The following PCGF6 variants were observed in gnomAD, a reference collection of about 807,000 sequenced individuals.
PCGF6 encodes the protein polycomb group ring finger 6, also known as polycomb group RING finger protein 6.
PCGF6 carries 24 observed loss-of-function variants against 45.5 expected under a neutral mutation model. The ratio of observed to expected loss-of-function variants is 0.53; its 90% CI spans 0.38 to 0.74. The LOEUF (loss-of-function observed/expected upper bound fraction) is 0.74, where lower values mean the gene tolerates loss of function less well. PCGF6 is among the 30% of genes least tolerant of loss of function. PCGF6 has a pLI of 0.00. For synonymous variants in PCGF6, 152 were observed against 162.1 expected, an observed-to-expected ratio of 0.94 and a Z score of 0.47; for missense variants, 356 against 443.2, an observed-to-expected ratio of 0.80 and a Z score of 1.77.
intron 7 of PCGF6, among the ~76,000 whole-genome samples, chr10:103,329,212 G>A (rs983096403): frequency 3.3e-5 from 5 of 151,364 alleles, no homozygotes; most frequent in Admixed American, 2.0e-4. Context: ...GGCTAATTTT[G>A]TATTTTTAGT....
intron 6 of PCGF6, among the ~76,000 whole-genome samples, chr10:103,337,502 G>A (rs889293819): frequency 6.6e-6 from 1 of 152,128 alleles, no homozygotes; most frequent in African/African-American, 2.4e-5. Flanking sequence ...TACATCCCAA[G>A]GGTTACCTAC....
intron 6 of PCGF6, among the ~76,000 whole-genome samples, chr10:103,336,448 TA>T (rs1359449172): frequency 6.6e-6 from 1 of 152,074 alleles, no homozygotes; most frequent in Non-Finnish European, 1.5e-5. Flanking sequence ...AGTTATAAAA[TA>T]AAACATCCCA....
intron 7 of PCGF6, among the ~76,000 whole-genome samples, chr10:103,331,081 G>A (rs2093238493): frequency 6.6e-6 from 1 of 152,082 alleles, no homozygotes; most frequent in South Asian, 2.1e-4. Flanking sequence ...TATATGGATG[G>A]CCTTTTGTGA....
At chr10:103,334,043 C>T (rs1014425539) in intron 6 of PCGF6, 91 bp from the exon 7 acceptor site, 1 of 855,982 alleles carries the variant, frequency 1.2e-6, no homozygotes, top group Non-Finnish European at 1.7e-6. Context: ...TGAGAAACAT[C>T]AATTCATTGT....
chr10:103,312,150 T>C (rs1034886905), intron 9 of PCGF6, among the ~76,000 whole-genome samples: 1 of 148,970 alleles, frequency 6.7e-6, no homozygotes, highest in Non-Finnish European at 1.5e-5. Context: ...TCCCAGCACT[T>C]TGGGAGGCTG....
At chr10:103,331,599 A>C (rs1424657653) in intron 7 of PCGF6, among the ~76,000 whole-genome samples, 1 of 152,132 alleles carries the variant, frequency 6.6e-6, no homozygotes, top group Admixed American at 6.6e-5. Flanking sequence ...TTCAAATCAA[A>C]TCCAAATAAT....
At chr10:103,348,483 T>A (rs1198608224) in intron 3 of PCGF6, 36 of 299,582 alleles carry the variant, frequency 1.2e-4, no homozygotes. Flanking sequence ...ATTACAGGCA[T>A]GTGCCGCCAC....
chr10:103,313,312 C>T (rs1409583358), intron 9 of PCGF6, among the ~76,000 whole-genome samples: 2 of 152,200 alleles, frequency 1.3e-5, no homozygotes, highest in Admixed American at 6.5e-5. Context: ...CCCCTGTAAT[C>T]CCAGCCCTTT....
chr10:103,320,732 CTT>C (rs1230831131), intron 8 of PCGF6, among the ~76,000 whole-genome samples: 28 of 151,312 alleles, frequency 1.9e-4, no homozygotes, highest in Non-Finnish European at 3.8e-4. Context: ...TTGGAATTGT[CTT>C]GTTTTTAAAA....
At chr10:103,319,402 C>T (rs574159775) in intron 8 of PCGF6, among the ~76,000 whole-genome samples, 5 of 152,152 alleles carry the variant, frequency 3.3e-5, no homozygotes, top group African/African-American at 1.2e-4. Context: ...GTGCCCGCCT[C>T]GGCCTCCCAA....
At chr10:103,336,114 G>C (rs1194320474) in intron 6 of PCGF6, among the ~76,000 whole-genome samples, 1 of 141,404 alleles carries the variant, frequency 7.1e-6, no homozygotes, top group Non-Finnish European at 1.5e-5. Context: ...TGCACCTGTA[G>C]TCCCAGCTAC....
intron 5 of PCGF6, among the ~76,000 whole-genome samples, chr10:103,345,420 T>A (rs2093295588): frequency 6.6e-6 from 1 of 152,068 alleles, no homozygotes; most frequent in Non-Finnish European, 1.5e-5. Context: ...TAAGCACTAC[T>A]ATGTGTCAGG....
intron 8 of PCGF6, 22 bp downstream of exon 8, chr10:103,326,509 ATTC>A: frequency 6.7e-7 from 1 of 1,486,372 alleles, no homozygotes; most frequent in Non-Finnish European, 9.2e-7. Flanking sequence ...AACTTTACCT[ATTC>A]TTTTACATAT....
At chr10:103,346,024 CT>C (rs1301904669) in intron 5 of PCGF6, among the ~76,000 whole-genome samples, 2 of 150,810 alleles carry the variant, frequency 1.3e-5, no homozygotes, top group Non-Finnish European at 2.9e-5. Flanking sequence ...GAAACCCCAT[CT>C]CTACTAAAAA....
At chr10:103,337,715 G>A (rs1043866570) in intron 6 of PCGF6, among the ~76,000 whole-genome samples, 31 of 151,574 alleles carry the variant, frequency 2.0e-4, no homozygotes, top group African/African-American at 6.5e-4. Flanking sequence ...ATAACCTGAG[G>A]TCAGGAGTTC....
intron 6 of PCGF6, among the ~76,000 whole-genome samples, chr10:103,340,737 C>T (rs1482993087): frequency 6.6e-6 from 1 of 152,028 alleles, no homozygotes; most frequent in Non-Finnish European, 1.5e-5. Flanking sequence ...GATGGGACTA[C>T]AGGTGCATGC....
At chr10:103,327,933 C>T (rs959121577) in intron 7 of PCGF6, among the ~76,000 whole-genome samples, 3 of 151,824 alleles carry the variant, frequency 2.0e-5, no homozygotes, top group Non-Finnish European at 4.4e-5. Flanking sequence ...CCTCAGCCTC[C>T]CAAAGTGCTG....
intron 7 of PCGF6, among the ~76,000 whole-genome samples, chr10:103,328,093 T>C (rs2093226087): frequency 6.6e-6 from 1 of 152,088 alleles, no homozygotes; most frequent in African/African-American, 2.4e-5. Context: ...AGTTTGAAAG[T>C]AAAAACTAAT....
At chr10:103,314,881 G>A (rs2093168915) in intron 8 of PCGF6, among the ~76,000 whole-genome samples, 1 of 146,814 alleles carries the variant, frequency 6.8e-6, no homozygotes, top group African/African-American at 2.5e-5. Context: ...CTCGACCCCA[G>A]GAGGTGTTGG....
Sources: gnomAD v4.1 joint callset for allele counts (sites outside exome capture counted in the v4.1 genomes callset) on GRCh38, gnomAD v4.1.1 for gene constraint, MANE v1.5 for transcripts, NCBI Gene and HGNC (gene_info 2026-07-23, HGNC 2026-07-21) for gene names.